The following KIF5C variants were observed in gnomAD, a reference collection of about 807,000 sequenced individuals.
The protein encoded by KIF5C is kinesin family member 5C.
In KIF5C, 18 loss-of-function variants were observed where a neutral mutation model predicts 125.2. The observed-to-expected ratio is 0.14, with a 90% CI of 0.10 to 0.21. KIF5C has a LOEUF of 0.21. Ranked by LOEUF, KIF5C falls within the 10% of genes least tolerant of loss-of-function variation. KIF5C has a pLI of 1.00. For synonymous variants in KIF5C, 405 were observed against 434.0 expected (o/e 0.93, Z 0.83); for missense variants, 780 against 1,183.8 (o/e 0.66, Z 5.01).
rs566104497 is a variant in KIF5C at position 148,984,602 on chromosome 2, A to G, written c.1716+836A>G. ...CTGAAAAGGCCAACTTCTTTAATCCAGGAGGGAAACATATCCCAGAAGTCC... is the reference window on the plus strand; with the variant it reads ...CTGAAAAGGCCAACTTCTTTAATCCGGGAGGGAAACATATCCCAGAAGTCC... On this transcript the variant is annotated intron_variant, in intron 15 of 25. Coordinates refer to ENST00000435030, the MANE Select transcript of KIF5C (RefSeq NM_004522.3). Among the ~76,000 whole-genome samples the G allele has an allele frequency of 1.2e-4, 19 of 152,264 alleles. 1 individual carries two copies. In the South Asian group the frequency reaches 3.9e-3, roughly 32 times the overall value.
At chr2:149,015,327 A>G (rs1682329546) in intron 25 of KIF5C, among the ~76,000 whole-genome samples, 1 of 151,216 alleles carries the variant, frequency 6.6e-6, no homozygotes, top group African/African-American at 2.5e-5. Flanking sequence ...GAAATGCTAA[A>G]TCCTTTTTGA....
chr2:148,926,992 AAAG>A (rs1235674976), intron 2 of KIF5C, among the ~76,000 whole-genome samples: 9 of 152,178 alleles, frequency 5.9e-5, no homozygotes, highest in Non-Finnish European at 1.0e-4. Flanking sequence ...TCTTACAAAA[AAAG>A]AAGGAGAAAA....
chr2:148,910,408 T>A (rs1681285753), intron 1 of KIF5C, among the ~76,000 whole-genome samples: 1 of 152,202 alleles, frequency 6.6e-6, no homozygotes, highest in Admixed American at 6.5e-5. Context: ...CATTAAAGAA[T>A]AGTTGTCAGC....
Position 148,875,533 on chromosome 2 carries a change from C to A in KIF5C, c.-85C>A. On this transcript the variant is annotated 5_prime_UTR_variant, in exon 1 of 26. Coordinates refer to ENST00000435030, the MANE Select transcript of KIF5C (RefSeq NM_004522.3). ...CTGCAGGAGGCGGCCTAGCTGTGGG[C>A]GGTGCAGCTCGCGGCCTCCTCCCTC... 8.7e-7 allele frequency: 1 copy of A among 1,144,646 alleles called. No homozygotes were observed. The highest frequency in any genetic ancestry group is 1.4e-5 in the South Asian group (1 of 72,464). 70.9% of individuals were successfully genotyped at this position (1,144,646 alleles called of 1,614,324 possible). A position where few individuals can be genotyped will look rare whatever the true frequency, so the allele number is the denominator to read the frequency against.
intron 22 of KIF5C, among the ~76,000 whole-genome samples, chr2:149,005,739 G>T (rs1168382875): frequency 6.6e-6 from 1 of 152,188 alleles, no homozygotes; most frequent in Non-Finnish European, 1.5e-5. Flanking sequence ...CCCCCACTGT[G>T]TGAGGGCAAC....
chr2:148,910,158 A>G (rs1019612673), intron 1 of KIF5C, among the ~76,000 whole-genome samples: 3 of 152,240 alleles, frequency 2.0e-5, no homozygotes, highest in African/African-American at 7.2e-5. Context: ...AAAGATGGGT[A>G]AGATAGAAAA....
intron 10 of KIF5C, among the ~76,000 whole-genome samples, chr2:148,958,733 G>A (rs748282456): frequency 2.0e-5 from 3 of 152,080 alleles, no homozygotes; most frequent in Non-Finnish European, 4.4e-5. Context: ...TGCAATCCCA[G>A]CACTTTGGGA....
intron 1 of KIF5C, among the ~76,000 whole-genome samples, chr2:148,892,010 G>A (rs1681721127): frequency 6.6e-6 from 1 of 152,126 alleles, no homozygotes; most frequent in Non-Finnish European, 1.5e-5. Context: ...TTAATCTTCA[G>A]TATGACCCTA....
Position 148,876,682 on chromosome 2 carries a change from A to G in KIF5C, c.126+939A>G, listed in dbSNP as rs866340225. 2.2e-4 allele frequency among the ~76,000 whole-genome samples: 34 copies of G among 151,764 alleles called. No homozygotes were observed. Among genetic ancestry groups the G allele is most frequent in the African/African-American group, 7.0e-4 (29 of 41,284 alleles). On this transcript the variant is annotated intron_variant, in intron 1 of 25. Transcript: ENST00000435030. The surrounding 1 kb of genome is among the most constrained non-coding windows in gnomAD (Gnocchi z 4.7). ...CTGCTGGTAGGGGGAGGGAACACCAATGGATTGTAGTTCTTAAAGGAATCT... is the reference window on the plus strand; with the variant it reads ...CTGCTGGTAGGGGGAGGGAACACCAGTGGATTGTAGTTCTTAAAGGAATCT...
intron 25 of KIF5C, chr2:149,020,213 G>C (rs529909707): frequency 6.6e-6 from 1 of 152,308 alleles, no homozygotes; most frequent in South Asian, 2.1e-4. Context: ...ATGGATGAGA[G>C]CATCCTGCTG....
chr2:148,949,453 A>G (rs1682604794), intron 8 of KIF5C, among the ~76,000 whole-genome samples: 1 of 151,842 alleles, frequency 6.6e-6, no homozygotes, highest in African/African-American at 2.4e-5. Context: ...TCAGGACAAT[A>G]TTTTCTCTTC....
chr2:149,000,472 A>G lies in KIF5C; in HGVS notation c.2260A>G (p.Asn754Asp). The change falls in exon 20 of 26, where the codon AAC becomes GAC. Residue 754 changes from asparagine (N) to aspartate (D), a missense_variant. Physicochemically the swap from Asn to Asp is conservative, Grantham distance 23. Coordinates refer to ENST00000435030, the MANE Select transcript of KIF5C (RefSeq NM_004522.3). ...ACAGGAGAAGCTTAGTTCTGATTAT[A>G]ACAAGCTGAAAATAGAGGACCAAGA... ...LEQEKLSSDY[N>D]KLKIEDQERE... 7 of 1,584,498 alleles carry G rather than the reference A, an allele frequency of 4.4e-6. No homozygotes were observed. Among genetic ancestry groups the G allele is most frequent in the Non-Finnish European group, 5.2e-6 (6 of 1,159,498 alleles).
At chr2:148,958,926 G>T (rs1320764838) in intron 10 of KIF5C, among the ~76,000 whole-genome samples, 3 of 151,968 alleles carry the variant, frequency 2.0e-5, no homozygotes, top group African/African-American at 7.2e-5. Context: ...AGAGGTTGCA[G>T]TGAGCCGAGA....
At chr2:149,004,421 C>A (rs1681944506) in intron 21 of KIF5C, among the ~76,000 whole-genome samples, 1 of 152,120 alleles carries the variant, frequency 6.6e-6, no homozygotes, top group African/African-American at 2.4e-5. Context: ...GATCATATTT[C>A]CTATGGTAAA....
At chr2:148,944,316 C>T (rs1274115350) in intron 7 of KIF5C, among the ~76,000 whole-genome samples, 1 of 152,132 alleles carries the variant, frequency 6.6e-6, no homozygotes, top group Non-Finnish European at 1.5e-5. Context: ...CAATAAACAC[C>T]AATTCTTTAT....
chr2:148,936,605 T>C (rs1682297773), intron 3 of KIF5C, among the ~76,000 whole-genome samples: 1 of 152,196 alleles, frequency 6.6e-6, no homozygotes, highest in African/African-American at 2.4e-5. Context: ...CCTATCCCTA[T>C]CCCCACCCAC....
intron 18 of KIF5C, chr2:148,998,126 G>A: frequency 2.2e-6 from 1 of 462,022 alleles, no homozygotes. Context: ...GAGAAGCTCA[G>A]GCTGGGCTGT....
intron 19 of KIF5C, chr2:149,000,165 C>G: frequency 5.5e-6 from 2 of 363,608 alleles, no homozygotes. Flanking sequence ...TATTTTTCCC[C>G]TGAAGCTCTT....
At chr2:148,952,945 A>G (rs531147254) in intron 10 of KIF5C, among the ~76,000 whole-genome samples, 1 of 152,374 alleles carries the variant, frequency 6.6e-6, no homozygotes, top group East Asian at 1.9e-4. Context: ...TGTAAGGGAC[A>G]GCACTGTCAT....
Sources: allele counts gnomAD v4.1 joint callset (sites outside exome capture counted in the v4.1 genomes callset), GRCh38; gene constraint gnomAD v4.1.1; non-coding constraint Gnocchi (gnomAD v3.1); transcripts MANE v1.5; gene names NCBI Gene and HGNC (gene_info 2026-07-23, HGNC 2026-07-21).